VPS13B: variants seen among roughly 807,000 people sequenced by gnomAD.
The protein encoded by VPS13B is intermembrane lipid transfer protein VPS13B.
Under a neutral mutation model 426.4 loss-of-function variants are expected in VPS13B, and 285 were observed. The observed-to-expected ratio is 0.67, with a 90% CI of 0.61 to 0.74. The LOEUF is 0.74. Ranked by LOEUF, VPS13B falls within the 30% of genes least tolerant of loss-of-function variation. The probability of loss-of-function intolerance (pLI) is 0.00; values close to 1 mark genes in which losing one functional copy is unlikely to be tolerated. For synonymous variants in VPS13B, 1,676 were observed against 1,676.4 expected, an observed-to-expected ratio of 1.00 and a Z score of 0.01; for missense variants, 4,537 against 4,782.6, an observed-to-expected ratio of 0.95 and a Z score of 1.51.
intron 41 of VPS13B, among the ~76,000 whole-genome samples, chr8:99,777,602 T>C (rs1811808928): frequency 6.6e-6 from 1 of 152,194 alleles, no homozygotes; most frequent in African/African-American, 2.4e-5. Context: ...GAAAGAAATA[T>C]GTCTGTTCTT....
rs547420905 is a variant in VPS13B at position 99,544,820 on chromosome 8, A to C, written c.4746-11630A>C. On this transcript the variant is annotated intron_variant, in intron 30 of 61. Coordinates refer to ENST00000357162, the MANE Select transcript of VPS13B (RefSeq NM_152564.5). The stretch of plus-strand genomic sequence containing the variant: ...GCCCTGCCTAATAATAGGCCATATT[A>C]GTAGCTAGCATTTAGATAGCATTTT... Among the ~76,000 whole-genome samples, 14 of 152,312 alleles carry C rather than the reference A, an allele frequency of 9.2e-5. No homozygotes were observed. The South Asian group carries it at 1.2e-3, about 14-fold the overall frequency.
At chr8:99,544,766 A>T (rs868287242) in intron 30 of VPS13B, among the ~76,000 whole-genome samples, 2 of 152,166 alleles carry the variant, frequency 1.3e-5, no homozygotes, top group African/African-American at 4.8e-5. Flanking sequence ...TCAACTTAAA[A>T]TCCCCAGATA....
intron 3 of VPS13B, among the ~76,000 whole-genome samples, chr8:99,048,961 G>A (rs973591054): frequency 1.3e-5 from 2 of 151,972 alleles, no homozygotes; most frequent in South Asian, 2.1e-4. Flanking sequence ...AGTTTATTTT[G>A]TCTGATATAA....
At chr8:99,732,085 C>G (rs1002256611) in intron 39 of VPS13B, among the ~76,000 whole-genome samples, 1 of 152,072 alleles carries the variant, frequency 6.6e-6, no homozygotes, top group Non-Finnish European at 1.5e-5. Flanking sequence ...CGTGAAGAAT[C>G]ACAAGAACAT....
intron 54 of VPS13B, among the ~76,000 whole-genome samples, chr8:99,845,174 A>G (rs927819643): frequency 1.3e-5 from 2 of 152,196 alleles, no homozygotes; most frequent in Non-Finnish European, 2.9e-5. Context: ...TTCTATCAAC[A>G]ATATCTATAT....
chr8:99,664,255 T>G (rs1830362886), intron 35 of VPS13B, among the ~76,000 whole-genome samples: 1 of 152,028 alleles, frequency 6.6e-6, no homozygotes, highest in Non-Finnish European at 1.5e-5. Flanking sequence ...TCCGCCCACC[T>G]TGGCCTCCCA....
At chr8:99,595,605 GA>G in intron 33 of VPS13B, among the ~76,000 whole-genome samples, 1 of 151,550 alleles carries the variant, frequency 6.6e-6, no homozygotes, top group African/African-American at 2.4e-5. Context: ...AAACTAAAAA[GA>G]AAAAGAATAG....
intron 17 of VPS13B, among the ~76,000 whole-genome samples, chr8:99,253,684 A>G (rs1284003301): frequency 6.6e-6 from 1 of 152,050 alleles, no homozygotes; most frequent in East Asian, 1.9e-4. Flanking sequence ...CCAGTCTTCC[A>G]GTCTTGTCTT....
intron 19 of VPS13B, among the ~76,000 whole-genome samples, chr8:99,350,374 A>G (rs1811812505): frequency 6.6e-6 from 1 of 152,230 alleles, no homozygotes. Flanking sequence ...GTGTTTTGCG[A>G]AGATCATTTT....
intron 3 of VPS13B, among the ~76,000 whole-genome samples, chr8:99,086,870 G>T (rs183935406): frequency 1.4e-3 from 213 of 152,260 alleles, no homozygotes; most frequent in African/African-American, 5.0e-3. Context: ...TGCCCCTGCT[G>T]GGGGGTGCCT....
chr8:99,244,808 A>C (rs576780592), intron 17 of VPS13B, among the ~76,000 whole-genome samples: 13 of 152,206 alleles, frequency 8.5e-5, no homozygotes, highest in Non-Finnish European at 1.9e-4. Context: ...ATTAAACTAA[A>C]CAGGAAGAAG....
At chr8:99,117,554 A>G (rs977247513) in intron 7 of VPS13B, among the ~76,000 whole-genome samples, 1 of 152,198 alleles carries the variant, frequency 6.6e-6, no homozygotes, top group Admixed American at 6.5e-5. Context: ...ATGTCTGTCA[A>G]CTGATGAATG....
intron 36 of VPS13B, 42 bp from the exon 37 acceptor site, chr8:99,717,129 T>C (rs913901189): frequency 3.2e-6 from 5 of 1,540,764 alleles, no homozygotes; most frequent in Non-Finnish European, 4.5e-6. Context: ...ACATTTTTTT[T>C]GATAAGGATG....
chr8:99,646,765 C>G (rs1829595462), intron 34 of VPS13B, among the ~76,000 whole-genome samples: 1 of 152,034 alleles, frequency 6.6e-6, no homozygotes, highest in African/African-American at 2.4e-5. Context: ...AGTTCTTGCT[C>G]TGGGTTCATG....
intron 21 of VPS13B, among the ~76,000 whole-genome samples, chr8:99,396,698 A>G (rs1350665887): frequency 6.6e-6 from 1 of 152,122 alleles, no homozygotes; most frequent in African/African-American, 2.4e-5. Flanking sequence ...AAGATTTTGC[A>G]TCAGAGTTAC....
At chr8:99,213,820 CTTTT>C (rs11304124) in intron 17 of VPS13B, among the ~76,000 whole-genome samples, 7 of 131,084 alleles carry the variant, frequency 5.3e-5, no homozygotes, top group Non-Finnish European at 8.3e-5. Context: ...TGCTGGATGC[CTTTT>C]TTTTTTTTTT....
rs974985695 is a variant in VPS13B at position 99,874,979 on chromosome 8, A to G, written c.11746-439A>G. The stretch of plus-strand genomic sequence containing the variant: ...GGTGTTCTCCACTTTAAGACGTTCT[A>G]TCTGAAGAGGTTTGGGGAGCTAGGC... On this transcript the variant is annotated intron_variant, in intron 61 of 61. Transcript: ENST00000357162. 10 of 215,704 alleles carry G rather than the reference A, an allele frequency of 4.6e-5. No individual in the cohort carries two copies. In the East Asian group the frequency reaches 6.0e-4, roughly 13 times the overall value. 13.4% of individuals were successfully genotyped at this position (215,704 alleles called of 1,614,324 possible).
Position 99,115,882 on chromosome 8 carries a change from A to G in VPS13B, c.937+8A>G, listed in dbSNP as rs1266327291. ...TGCTAGGAAACATTACAGGTAATGT[A>G]AAACTTTATTAAACAAAAACTTTAT... On this transcript the variant is annotated splice_region_variant and intron_variant, in intron 7 of 61. Transcript: ENST00000357162. 1 of 1,609,974 alleles carries G rather than the reference A, an allele frequency of 6.2e-7. No homozygotes were observed. The highest frequency in any genetic ancestry group is 1.3e-5 in the African/African-American group (1 of 74,776).
At chr8:99,368,397 T>C (rs996362264) in intron 19 of VPS13B, among the ~76,000 whole-genome samples, 6 of 152,350 alleles carry the variant, frequency 3.9e-5, no homozygotes, top group South Asian at 2.1e-4. Flanking sequence ...TGGGTAAAGA[T>C]GTCCCATAAA....
Sources: gnomAD v4.1 joint callset for allele counts (sites outside exome capture counted in the v4.1 genomes callset) on GRCh38, gnomAD v4.1.1 for gene constraint, MANE v1.5 for transcripts, NCBI Gene and HGNC (gene_info 2026-07-23, HGNC 2026-07-21) for gene names.